The following SCNN1B variants were observed in gnomAD, a reference collection of about 807,000 sequenced individuals.
The protein encoded by SCNN1B is sodium channel epithelial 1 subunit beta, also known as epithelial sodium channel subunit beta.
In SCNN1B, 46 loss-of-function variants were observed where a neutral mutation model predicts 65.3. That is an observed-to-expected ratio of 0.70 (90% CI 0.56 to 0.90). The LOEUF (loss-of-function observed/expected upper bound fraction) is 0.90, where lower values mean the gene tolerates loss of function less well. Ranked by LOEUF, SCNN1B falls within the 40% of genes least tolerant of loss-of-function variation. The pLI is 0.00. For synonymous variants in SCNN1B, 349 were observed against 330.6 expected (o/e 1.06, Z -0.60); for missense variants, 751 against 830.5 (o/e 0.90, Z 1.18).
intron 4 of SCNN1B, among the ~76,000 whole-genome samples, chr16:23,360,868 C>T (rs1250082129): frequency 6.6e-6 from 1 of 152,044 alleles, no homozygotes; most frequent in Non-Finnish European, 1.5e-5. Flanking sequence ...TATCTCGGCT[C>T]ACCACAAGCT....
At chr16:23,329,377 A>G (rs1961764103) in intron 1 of SCNN1B, among the ~76,000 whole-genome samples, 1 of 152,170 alleles carries the variant, frequency 6.6e-6, no homozygotes, top group Admixed American at 6.5e-5. Context: ...CGGCCTCCCA[A>G]AGTGCTTGGA....
At chr16:23,283,932 T>C (rs965772424) in intron 2 of SCNN1B, 1 of 152,124 alleles carries the variant, frequency 6.6e-6, no homozygotes, top group Non-Finnish European at 1.5e-5. Flanking sequence ...AGCTAAACCA[T>C]GGAGGAGGTG....
In SCNN1B at chr16:23,353,046, C is replaced by G; in HGVS notation, c.557C>G (p.Ala186Gly). 6.2e-7 allele frequency: 1 copy of G among 1,614,166 alleles called. No individual in the cohort carries two copies. The highest frequency in any genetic ancestry group is 8.5e-7 in the Non-Finnish European group (1 of 1,180,036). The change falls in exon 3 of 13, where the codon GCC (alanine) becomes GGC (glycine). Residue 186 changes from alanine (A) to glycine (G), a missense_variant. Ala to Gly is a moderately conservative substitution (Grantham distance 60). Coordinates refer to ENST00000343070, the MANE Select transcript of SCNN1B (RefSeq NM_000336.3). ...TCAGCATCAGAAAAGATCTGTAATG[C>G]CCACGGGTGCAAAATGGCCATGAGA... ...SSSASEKICN[A>G]HGCKMAMRLC...
At chr16:23,325,680 C>T (rs1273505580) in intron 1 of SCNN1B, among the ~76,000 whole-genome samples, 1 of 152,092 alleles carries the variant, frequency 6.6e-6, no homozygotes, top group Non-Finnish European at 1.5e-5. Context: ...ATACAAACCC[C>T]TGTTCTGCCA....
intron 7 of SCNN1B, among the ~76,000 whole-genome samples, chr16:23,372,497 CTT>C (rs200783041): frequency 9.5e-5 from 13 of 137,384 alleles, no homozygotes; most frequent in Admixed American, 1.5e-4. Flanking sequence ...TGAGAAGTCC[CTT>C]TTTTTTTTTT....
At chr16:23,343,627 GA>G (rs1170871726) in intron 1 of SCNN1B, among the ~76,000 whole-genome samples, 6 of 108,472 alleles carry the variant, frequency 5.5e-5, no homozygotes, top group African/African-American at 2.2e-4. Context: ...AAGAAAGAAA[GA>G]AAGAAAGAAA....
At chr16:23,371,675 G>T (rs1962788771) in intron 6 of SCNN1B, 101 bp from the exon 7 acceptor site, 1 of 1,123,266 alleles carries the variant, frequency 8.9e-7, no homozygotes, top group East Asian at 2.4e-5. Flanking sequence ...CACCTGCAGG[G>T]GTCCACAGCC....
chr16:23,371,628 G>T (rs1410816151), intron 6 of SCNN1B, 148 bp from the exon 7 acceptor site: 3 of 988,250 alleles, frequency 3.0e-6, no homozygotes, highest in African/African-American at 3.2e-5. Flanking sequence ...TTAGGGGAAG[G>T]TGAGCCCTCT....
At chr16:23,280,132 C>G (rs1345383858) in intron 1 of SCNN1B, among the ~76,000 whole-genome samples, 2 of 152,166 alleles carry the variant, frequency 1.3e-5, no homozygotes, top group Non-Finnish European at 2.9e-5. Flanking sequence ...TTCCGTGTGC[C>G]CAGCACTCCG....
At chr16:23,315,109 G>A (rs1567293889) in intron 1 of SCNN1B, among the ~76,000 whole-genome samples, 1 of 152,182 alleles carries the variant, frequency 6.6e-6, no homozygotes. Context: ...GGCCAAGGCG[G>A]GCGGATCACC....
chr16:23,326,647 T>C (rs1005056303), intron 1 of SCNN1B, among the ~76,000 whole-genome samples: 5 of 152,064 alleles, frequency 3.3e-5, no homozygotes, highest in African/African-American at 1.2e-4. Flanking sequence ...TTTGTATTTT[T>C]AGTAGAGACA....
intron 1 of SCNN1B, among the ~76,000 whole-genome samples, chr16:23,328,497 C>G (rs2141999282): frequency 6.6e-6 from 1 of 152,304 alleles, no homozygotes; most frequent in African/African-American, 2.4e-5. Context: ...AATAGAAAGA[C>G]AGCCAGCAAT....
intron 1 of SCNN1B, among the ~76,000 whole-genome samples, chr16:23,320,791 C>T (rs1961571329): frequency 6.6e-6 from 1 of 152,166 alleles, no homozygotes; most frequent in African/African-American, 2.4e-5. Context: ...GCCTGGAGCC[C>T]CAGGGATGGG....
At chr16:23,353,463 T>C (rs892575094) in intron 3 of SCNN1B, among the ~76,000 whole-genome samples, 1 of 152,166 alleles carries the variant, frequency 6.6e-6, no homozygotes, top group African/African-American at 2.4e-5. Flanking sequence ...TGTGGAGGGA[T>C]CCCCTCAGTG....
intron 4 of SCNN1B, among the ~76,000 whole-genome samples, chr16:23,361,846 T>C (rs907044873): frequency 2.6e-5 from 4 of 152,114 alleles, no homozygotes; most frequent in African/African-American, 9.7e-5. Flanking sequence ...CTGTTGTCCA[T>C]ACTGGAGTGC....
chr16:23,374,573 C>CAAAAA (rs1168924579), intron 7 of SCNN1B, among the ~76,000 whole-genome samples: 20 of 48,226 alleles, frequency 4.1e-4, no homozygotes, highest in Non-Finnish European at 6.8e-4. Flanking sequence ...GACTCCATCT[C>CAAAAA]AAAAAAAAAA....
chr16:23,336,064 G>A (rs1200972784), intron 1 of SCNN1B, among the ~76,000 whole-genome samples: 1 of 152,162 alleles, frequency 6.6e-6, no homozygotes, highest in Non-Finnish European at 1.5e-5. Context: ...CAGAACAGGT[G>A]CAAGATGTCA....
rs1309468780 is a variant in SCNN1B, at chr16:23,352,785, C to T, written c.312-16C>T. On this transcript the variant is annotated splice_polypyrimidine_tract_variant and intron_variant, in intron 2 of 12. Coordinates refer to ENST00000343070, the MANE Select transcript of SCNN1B (RefSeq NM_000336.3). ...ATATGCATTCCTTCCCCCTAACCAG[C>T]CCTCTCCCCATCCAGGTATTCCAAA... The T allele has an allele frequency of 2.5e-6, 4 of 1,614,040 alleles. No individual in the cohort carries two copies. The South Asian group carries it at 4.4e-5, about 18-fold the overall frequency.
intron 1 of SCNN1B, among the ~76,000 whole-genome samples, chr16:23,316,836 T>C (rs531383467): frequency 6.7e-6 from 1 of 150,316 alleles, no homozygotes; most frequent in Admixed American, 6.6e-5. Flanking sequence ...ATCACCATCA[T>C]CATCCTCAGC....
Sources: gnomAD v4.1 joint callset for allele counts (sites outside exome capture counted in the v4.1 genomes callset) on GRCh38, gnomAD v4.1.1 for gene constraint, MANE v1.5 for transcripts, NCBI Gene and HGNC (gene_info 2026-07-23, HGNC 2026-07-21) for gene names.